The following TUT7 variants were observed in gnomAD, a reference collection of about 807,000 sequenced individuals.
TUT7 encodes terminal uridylyltransferase 7.
A neutral mutation model predicts 165.9 loss-of-function variants in TUT7; 33 were observed. That is an observed-to-expected ratio of 0.20 (90% confidence interval 0.15 to 0.27). The LOEUF (loss-of-function observed/expected upper bound fraction) is 0.27, where lower values mean the gene tolerates loss of function less well. Ranked by LOEUF, TUT7 falls within the 10% of genes least tolerant of loss-of-function variation. TUT7 has a pLI of 1.00. For missense variants in TUT7, 1,338 were observed against 1,762.3 expected (o/e 0.76, Z 4.31); for synonymous variants, 552 against 608.1 (o/e 0.91, Z 1.36).
At chr9:86,289,159 G>A in intron 26 of TUT7, among the ~76,000 whole-genome samples, 1 of 152,098 alleles carries the variant, frequency 6.6e-6, no homozygotes, top group Non-Finnish European at 1.5e-5. Context: ...AGCTGTGGAT[G>A]GTAATCATTG....
intron 21 of TUT7, 21 bp from the exon 22 acceptor site, chr9:86,308,627 G>C (rs201959584): frequency 1.3e-6 from 2 of 1,576,864 alleles, no homozygotes; most frequent in East Asian, 4.5e-5. Flanking sequence ...AAGGGAACAA[G>C]GGATACCATG....
intron 25 of TUT7, among the ~76,000 whole-genome samples, chr9:86,302,025 T>G (rs1826961325): frequency 1.3e-5 from 2 of 152,198 alleles, no homozygotes; most frequent in Non-Finnish European, 2.9e-5. Context: ...GTTTTAAGAT[T>G]TATGCTCTTA....
Position 86,353,150 on chromosome 9 carries a change from C to T in TUT7, c.50G>A (p.Gly17Glu), listed in dbSNP as rs1057214856. ...PYFVKRTKDR[G>E]TMDDDDFRRG... ...TCTGAAGTCATCATCATCCATAGTC[C>T]CCCGGTCTTTAGTGCGCTTCACGAA... The change falls in exon 2 of 27, where the codon GGG (glycine) becomes GAG (glutamate). Residue 17 changes from glycine to glutamate, a missense_variant. By Grantham distance (98) the Gly-to-Glu change is moderately conservative (BLOSUM62 -2). This residue lies in a region of TUT7 where 434 missense variants were observed against 480.8 expected (regional missense o/e 0.90). Coordinates refer to ENST00000375963, the MANE Select transcript of TUT7 (RefSeq NM_024617.4). 13 of 1,606,856 alleles carry T rather than the reference C, an allele frequency of 8.1e-6. No homozygotes were observed. The highest frequency in any genetic ancestry group is 2.7e-5 in the African/African-American group (2 of 74,086).
intron 16 of TUT7, among the ~76,000 whole-genome samples, chr9:86,318,547 C>T (rs1297976123): frequency 3.3e-5 from 5 of 152,164 alleles, no homozygotes; most frequent in African/African-American, 1.2e-4. Context: ...ACTGATGAAA[C>T]AAGTTTGTCT....
chr9:86,292,743 C>T (rs1825993652), intron 26 of TUT7, among the ~76,000 whole-genome samples: 1 of 151,852 alleles, frequency 6.6e-6, no homozygotes, highest in Non-Finnish European at 1.5e-5. Flanking sequence ...CACTGCACTC[C>T]TACCTGGGTG....
intron 22 of TUT7, among the ~76,000 whole-genome samples, chr9:86,307,087 A>T (rs1203667562): frequency 6.6e-6 from 1 of 152,130 alleles, no homozygotes; most frequent in Non-Finnish European, 1.5e-5. Flanking sequence ...CCTTGCCAAC[A>T]TGGTGAAACC....
At chr9:86,322,592 A>G in intron 13 of TUT7, 117 bp from the exon 14 acceptor site, 1 of 1,273,194 alleles carries the variant, frequency 7.9e-7, no homozygotes, top group Non-Finnish European at 1.1e-6. Context: ...GGAAATGAAA[A>G]TATAACATGC....
At chr9:86,309,719 A>G (rs1827847979) in intron 19 of TUT7, 143 bp from the exon 20 acceptor site, 8 of 885,774 alleles carry the variant, frequency 9.0e-6, no homozygotes, top group Non-Finnish European at 1.4e-5. Context: ...AATCCAACCT[A>G]GCAAAGCAGT....
Position 86,343,108 on chromosome 9 carries a change from C to T in TUT7, c.1053G>A (p.Ser351=), listed in dbSNP as rs780761037. 30 of 1,603,524 alleles carry T rather than the reference C, an allele frequency of 1.9e-5. No individual in the cohort carries two copies. The highest frequency in any genetic ancestry group is 4.5e-5 in the South Asian group (4 of 88,870). The change falls in exon 6 of 27, where the codon TCG becomes TCA. Residue 351 remains serine, a synonymous_variant. Coordinates refer to ENST00000375963, the MANE Select transcript of TUT7 (RefSeq NM_024617.4). ...GAAACTGGATGTCAATGTTTACATC[C>T]GAATTTTTGAAACCCAATCTGCTAC... The part of the protein sequence containing the change: ...SSCSRLGFKN[S]DVNIDIQFPA...
In TUT7 at chr9:86,328,350, T is replaced by G; in HGVS notation, c.1598A>C (p.Lys533Thr). 6.2e-7 allele frequency: 1 copy of G among 1,602,016 alleles called. No individual in the cohort carries two copies. Among genetic ancestry groups the G allele is most frequent in the Non-Finnish European group, 8.5e-7 (1 of 1,175,216 alleles). ...KEEAPRETPI[K>T]RGQVSLILDV... ...CAAAAGAGAACAGACCTGTCCCCTTTTAATCGGCGTTTCTCTTGGTGCCTC... is the reference window on the plus strand; with the variant it reads ...CAAAAGAGAACAGACCTGTCCCCTTGTAATCGGCGTTTCTCTTGGTGCCTC... Residue 533 changes from lysine to threonine, a missense_variant, in exon 11 of 27, where the codon AAA (lysine) becomes ACA (threonine). Lys to Thr is a moderately conservative substitution (Grantham distance 78). This residue lies in a region of TUT7 where 53 missense variants were observed against 46.3 expected (regional missense o/e 1.15). Transcript: ENST00000375963.
At chr9:86,352,326 TTA>T (rs1832374224) in intron 2 of TUT7, among the ~76,000 whole-genome samples, 1 of 152,214 alleles carries the variant, frequency 6.6e-6, no homozygotes, top group Non-Finnish European at 1.5e-5. Context: ...AAATACAAAA[TTA>T]TAATCACAAT....
chr9:86,318,856 G>T, intron 16 of TUT7, 102 bp downstream of exon 16: 1 of 818,756 alleles, frequency 1.2e-6, no homozygotes, highest in Non-Finnish European at 2.0e-6. Flanking sequence ...CACTCTATAT[G>T]GTATGCCCTG....
Position 86,288,932 on chromosome 9 carries a change from T to A in TUT7, c.4421-188A>T, listed in dbSNP as rs147146445. ...TGCACATGATTAATTAAATATAAGC[T>A]TAGTCAAAATTCTTTCTGAATGCAG... is the stretch of plus-strand genomic sequence containing the variant. On this transcript the variant is annotated intron_variant, in intron 26 of 26. Coordinates refer to ENST00000375963, the MANE Select transcript of TUT7 (RefSeq NM_024617.4). 2.6e-3 allele frequency among the ~76,000 whole-genome samples: 390 copies of A among 152,328 alleles called. 1 individual carries two copies. The highest frequency in any genetic ancestry group is 9.0e-3 in the African/African-American group (376 of 41,566).
intron 2 of TUT7, among the ~76,000 whole-genome samples, chr9:86,350,568 G>A (rs982375485): frequency 6.6e-6 from 1 of 152,236 alleles, no homozygotes; most frequent in South Asian, 2.1e-4. Flanking sequence ...CAGAGTAGCA[G>A]AGTCCCCAAT....
At chr9:86,338,108 G>T (rs1225314816) in intron 9 of TUT7, among the ~76,000 whole-genome samples, 1 of 151,910 alleles carries the variant, frequency 6.6e-6, no homozygotes, top group Non-Finnish European at 1.5e-5. Context: ...TGGGAAATCC[G>T]TTGTTCATTC....
chr9:86,344,913 T>A, intron 5 of TUT7, 64 bp downstream of exon 5: 2 of 1,349,002 alleles, frequency 1.5e-6, no homozygotes, highest in Non-Finnish European at 2.0e-6. Flanking sequence ...AAAATTACTA[T>A]TGGTAGGAGA....
chr9:86,291,142 C>A (rs1230497499), intron 26 of TUT7, among the ~76,000 whole-genome samples: 5 of 152,014 alleles, frequency 3.3e-5, no homozygotes, highest in Admixed American at 1.3e-4. Flanking sequence ...AGATATACTG[C>A]AGGTAGACAC....
intron 1 of TUT7, among the ~76,000 whole-genome samples, 158 bp from the exon 2 acceptor site, chr9:86,353,388 G>T (rs1832467681): frequency 6.6e-6 from 1 of 152,124 alleles, no homozygotes; most frequent in African/African-American, 2.4e-5. Context: ...AATAATCAGT[G>T]CTTTACCCTA....
chr9:86,300,981 G>A (rs1226030641), intron 26 of TUT7, among the ~76,000 whole-genome samples: 1 of 152,158 alleles, frequency 6.6e-6, no homozygotes, highest in African/African-American at 2.4e-5. Flanking sequence ...CTTCTTTTCT[G>A]GTCACTGAGG....
Sources: allele counts gnomAD v4.1 joint callset (sites outside exome capture counted in the v4.1 genomes callset), GRCh38; gene constraint gnomAD v4.1.1; regional missense constraint gnomAD v4.1.1; transcripts MANE v1.5; gene names NCBI Gene and HGNC (gene_info 2026-07-23, HGNC 2026-07-21).